NCMAP: variants seen among roughly 807,000 people sequenced by gnomAD.
NCMAP encodes the protein non-compact myelin associated protein, also known as noncompact myelin-associated protein.
Under a neutral mutation model 7.8 loss-of-function variants are expected in NCMAP, and 8 were observed. That is an observed-to-expected ratio of 1.02 (90% CI 0.60 to 1.84). The LOEUF (loss-of-function observed/expected upper bound fraction) is 1.84. Ranked by LOEUF, NCMAP falls within the 40% of genes most tolerant of loss-of-function variation. The pLI is 0.00. For missense variants in NCMAP, 112 were observed against 131.4 expected (o/e 0.85, Z 0.72); for synonymous variants, 41 against 52.9 (o/e 0.78, Z 0.98).
intron 1 of NCMAP, among the ~76,000 whole-genome samples, chr1:24,577,401 G>GTTTTTTTTTTTTT (rs71577720): frequency 7.3e-4 from 29 of 39,918 alleles, no homozygotes; most frequent in South Asian, 1.3e-3. Context: ...CACTGGCCTT[G>GTTTTTTTTTTTTT]TTTTTTTTTT....
At chr1:24,601,052 C>T (rs755662758) in intron 3 of NCMAP, 28 bp downstream of exon 3, 5 of 1,584,224 alleles carry the variant, frequency 3.2e-6, no homozygotes, top group Non-Finnish European at 4.3e-6. Context: ...TTTGGAACTG[C>T]CTGGACGGTC....
chr1:24,605,835 G>A lies in NCMAP; in HGVS notation c.*88G>A. On this transcript the variant is annotated 3_prime_UTR_variant, in exon 4 of 4. Coordinates refer to ENST00000374392, the MANE Select transcript of NCMAP (RefSeq NM_001010980.5). ...GCACACTCTCTGGCAGCTTCACAAT[G>A]AGCTTCTTCTGGTCAGGTCGACAGA... is the stretch of plus-strand genomic sequence containing the variant. The A allele has an allele frequency of 6.7e-7, 1 of 1,498,996 alleles. No individual in the cohort carries two copies. Among genetic ancestry groups the A allele is most frequent in the Non-Finnish European group, 9.1e-7 (1 of 1,093,202 alleles). The allele number at this position is 1,498,996 out of a possible 1,614,324, so 92.9% of individuals were successfully genotyped here.
chr1:24,573,952 C>CAAAAAAAAACAAAAAAAAAAAAAAA (rs1651466781), intron 1 of NCMAP, among the ~76,000 whole-genome samples: 1 of 84,454 alleles, frequency 1.2e-5, no homozygotes, highest in Non-Finnish European at 2.2e-5. Context: ...CCAGAGAGGA[C>CAAAAAAAAACAAAAAAAAAAAAAAA]AAAAAAAAAA....
In NCMAP at chr1:24,580,228, C is replaced by A. The variant is rs376385004; in HGVS notation, c.-7-15196C>A. Among the ~76,000 whole-genome samples the A allele has an allele frequency of 4.6e-5, 7 of 152,358 alleles. No individual in the cohort carries two copies. In the East Asian group the frequency reaches 1.2e-3, roughly 25 times the overall value. ...TGAAATGTGGCTAATGCAACGGAGA[C>A]ACTACATTCTTAATTGTATTTAAGT... On this transcript the variant is annotated intron_variant, in intron 1 of 3. Coordinates refer to ENST00000374392, the MANE Select transcript of NCMAP (RefSeq NM_001010980.5).
At chr1:24,563,360 A>G (rs946529375) in intron 1 of NCMAP, among the ~76,000 whole-genome samples, 1 of 151,886 alleles carries the variant, frequency 6.6e-6, no homozygotes, top group African/African-American at 2.4e-5. Context: ...CGTCTCTACT[A>G]AAAATACAAA....
chr1:24,569,294 C>A lies in NCMAP; in HGVS notation c.-8+13125C>A, dbSNP rs570946140. Among the ~76,000 whole-genome samples, 110 of 143,672 alleles carry A rather than the reference C, an allele frequency of 7.7e-4. 5 individuals carry two copies. Among genetic ancestry groups the A allele is most frequent in the African/African-American group, 3.2e-3 (106 of 33,390 alleles). 94.3% of individuals were successfully genotyped at this position (143,672 alleles called of 152,430 possible). On this transcript the variant is annotated intron_variant, in intron 1 of 3. Coordinates refer to ENST00000374392, the MANE Select transcript of NCMAP (RefSeq NM_001010980.5). ...CAGGCATGAGCCACCATGTCCAGTC[C>A]CAACATATTTCTTGAATCTAGGTTC... is the stretch of plus-strand genomic sequence containing the variant.
chr1:24,564,416 A>G (rs1274037591), intron 1 of NCMAP, among the ~76,000 whole-genome samples: 1 of 150,894 alleles, frequency 6.6e-6, no homozygotes, highest in African/African-American at 2.4e-5. Flanking sequence ...AGGCTGAGGC[A>G]AGAGAAGAAT....
intron 1 of NCMAP, among the ~76,000 whole-genome samples, chr1:24,573,511 CT>C: frequency 6.6e-6 from 1 of 150,806 alleles, no homozygotes; most frequent in South Asian, 2.1e-4. Context: ...TCACTTGAAC[CT>C]GGGAGGCAGA....
intron 1 of NCMAP, among the ~76,000 whole-genome samples, chr1:24,583,313 A>C (rs1226625073): frequency 6.6e-6 from 1 of 152,144 alleles, no homozygotes; most frequent in Non-Finnish European, 1.5e-5. Flanking sequence ...CACACCAAAG[A>C]ATTACCTGGC....
intron 3 of NCMAP, 86 bp downstream of exon 3, chr1:24,601,110 C>T (rs928163698): frequency 7.4e-6 from 8 of 1,080,660 alleles, no homozygotes; most frequent in East Asian, 2.4e-5. Context: ...GGGTGTCCGT[C>T]GTGTGCCTGG....
chr1:24,565,892 C>A (rs1024364243), intron 1 of NCMAP, among the ~76,000 whole-genome samples: 3 of 152,070 alleles, frequency 2.0e-5, no homozygotes, highest in Non-Finnish European at 4.4e-5. Flanking sequence ...AAGGGAGAGA[C>A]CAGATGGAGG....
intron 2 of NCMAP, among the ~76,000 whole-genome samples, chr1:24,598,756 G>A (rs758729381): frequency 3.3e-5 from 5 of 151,468 alleles, no homozygotes; most frequent in Non-Finnish European, 5.9e-5. Context: ...TCGTGCCTCA[G>A]CCTCCTGAAT....
chr1:24,595,441 C>T lies in NCMAP; in HGVS notation c.11C>T (p.Ala4Val), dbSNP rs763387308. 17 of 1,613,104 alleles carry T rather than the reference C, an allele frequency of 1.1e-5. No individual in the cohort carries two copies. In the South Asian group the frequency reaches 1.9e-4, roughly 18 times the overall value. Residue 4 changes from alanine (A) to valine (V), a missense_variant, in exon 2 of 4, where the codon GCC becomes GTC. By Grantham distance (64) the Ala-to-Val change is moderately conservative. Transcript: ENST00000374392. Reference protein sequence around the residue: MTTATPLGDTTFFS... With the variant: MTTVTPLGDTTFFS... The stretch of plus-strand genomic sequence containing the variant: ...CTCATCAGGATCGAGATGACCACAG[C>T]CACCCCTCTGGGGGATACCACCTTC...
intron 2 of NCMAP, among the ~76,000 whole-genome samples, chr1:24,598,360 T>G (rs1222567859): frequency 6.6e-6 from 1 of 152,098 alleles, no homozygotes; most frequent in Admixed American, 6.6e-5. Context: ...ACCACCAGTA[T>G]CCTAGAGGTC....
At chr1:24,575,569 G>A (rs1269453123) in intron 1 of NCMAP, among the ~76,000 whole-genome samples, 1 of 152,114 alleles carries the variant, frequency 6.6e-6, no homozygotes, top group Non-Finnish European at 1.5e-5. Flanking sequence ...CCTTGTCTTC[G>A]CCAAGCCACA....
rs1049395434 is a variant in NCMAP, at chr1:24,576,283, C to T, written c.-7-19141C>T. 1.1e-4 allele frequency among the ~76,000 whole-genome samples: 17 copies of T among 152,300 alleles called. 1 individual carries two copies. The highest frequency in any genetic ancestry group is 4.1e-4 in the African/African-American group (17 of 41,574). On this transcript the variant is annotated intron_variant, in intron 1 of 3. Transcript: ENST00000374392. The surrounding 1 kb of genome is among the most constrained non-coding windows in gnomAD (Gnocchi z 4.0). The stretch of plus-strand genomic sequence containing the variant: ...TGAGAGGGTGGGAAGAAAAGACAGG[C>T]GGCAGGCCAAGACGAGAGTGTAGGT...
chr1:24,580,794 C>T (rs946712999), intron 1 of NCMAP, among the ~76,000 whole-genome samples: 19 of 152,136 alleles, frequency 1.2e-4, no homozygotes, highest in South Asian at 2.1e-4. Flanking sequence ...GGCACCCTGA[C>T]GTTTGGTGAT....
chr1:24,575,910 A>C (rs1651542673), intron 1 of NCMAP, among the ~76,000 whole-genome samples: 2 of 93,102 alleles, frequency 2.1e-5, no homozygotes, highest in African/African-American at 1.1e-4. Context: ...GCACCATTGC[A>C]CTCTCAAAAA....
At chr1:24,571,977 A>G (rs753799329) in intron 1 of NCMAP, among the ~76,000 whole-genome samples, 4 of 150,922 alleles carry the variant, frequency 2.7e-5, no homozygotes, top group Non-Finnish European at 4.4e-5. Flanking sequence ...AATACATTGT[A>G]ACTCACAGCA....
Sources: gnomAD v4.1 joint callset for allele counts (sites outside exome capture counted in the v4.1 genomes callset) on GRCh38, gnomAD v4.1.1 for gene constraint, Gnocchi (gnomAD v3.1) non-coding constraint, MANE v1.5 for transcripts, NCBI Gene and HGNC (gene_info 2026-07-23, HGNC 2026-07-21) for gene names.